DLGAP2: variants seen among roughly 807,000 people sequenced by gnomAD.
The protein encoded by DLGAP2 is disks large-associated protein 2.
In DLGAP2, 26 loss-of-function variants were observed where a neutral mutation model predicts 100.3. The ratio of observed to expected loss-of-function variants is 0.26; its 90% CI spans 0.19 to 0.36. The LOEUF is 0.36. Ranked by LOEUF, DLGAP2 falls within the 10% of genes least tolerant of loss-of-function variation. The pLI is 1.00. For missense variants in DLGAP2, 1,858 were observed against 1,453.2 expected, an observed-to-expected ratio of 1.28 and a Z score of -4.53; for synonymous variants, 886 against 630.1, an observed-to-expected ratio of 1.41 and a Z score of -6.08.
At chr8:1,381,789 G>GTGTGTGTT (rs1554456621) in intron 3 of DLGAP2, among the ~76,000 whole-genome samples, 1 of 115,224 alleles carries the variant, frequency 8.7e-6, no homozygotes, top group Non-Finnish European at 1.6e-5. Context: ...TCTAGTGTGT[G>GTGTGTGTT]TGTGTGTGTG....
intron 2 of DLGAP2, among the ~76,000 whole-genome samples, chr8:996,659 T>C (rs941403106): frequency 1.1e-4 from 16 of 152,210 alleles, no homozygotes; most frequent in Non-Finnish European, 1.9e-4. Context: ...TTCAGTAGTT[T>C]TCAGCCTTTA....
intron 2 of DLGAP2, among the ~76,000 whole-genome samples, chr8:1,253,863 C>G (rs528851111): frequency 4.6e-5 from 7 of 152,152 alleles, no homozygotes; most frequent in Non-Finnish European, 7.3e-5. Flanking sequence ...TGAAAGGGTC[C>G]GTGCTGCTGT....
At chr8:1,481,471 C>CTTTTTTTTTTTTTTTTTTTTTTTTTT (rs1165790168) in intron 3 of DLGAP2, among the ~76,000 whole-genome samples, 1 of 43,668 alleles carries the variant, frequency 2.3e-5, no homozygotes, top group Non-Finnish European at 4.5e-5. Flanking sequence ...TTTTCTTTTT[C>CTTTTTTTTTTTTTTTTTTTTTTTTTT]TTTTTTTTTT....
chr8:771,270 T>C (rs1288983908), intron 1 of DLGAP2, among the ~76,000 whole-genome samples: 41 of 152,230 alleles, frequency 2.7e-4, no homozygotes, highest in Admixed American at 2.4e-3. Context: ...CTAAGAGATA[T>C]GAGTTTTAAT....
chr8:770,825 G>C (rs1821337019), intron 1 of DLGAP2, among the ~76,000 whole-genome samples: 1 of 151,904 alleles, frequency 6.6e-6, no homozygotes, highest in South Asian at 2.1e-4. Context: ...GATAAGACAT[G>C]AATGACATTT....
At chr8:753,439 C>T (rs370720454) in intron 1 of DLGAP2, 3 of 152,164 alleles carry the variant, frequency 2.0e-5, no homozygotes, top group African/African-American at 4.8e-5. Context: ...ACTACGCCAG[C>T]GAACATTTAC....
chr8:935,587 G>A (rs774887770), intron 2 of DLGAP2, among the ~76,000 whole-genome samples: 3 of 152,122 alleles, frequency 2.0e-5, no homozygotes, highest in Admixed American at 2.0e-4. Flanking sequence ...TCTCTTGGAC[G>A]GTGTGGCTCT....
intron 1 of DLGAP2, among the ~76,000 whole-genome samples, chr8:842,598 T>G (rs944881283): frequency 6.8e-6 from 1 of 147,606 alleles, no homozygotes; most frequent in Non-Finnish European, 1.5e-5. Flanking sequence ...TTTTAAGTTT[T>G]CAGGGAACGT....
intron 8 of DLGAP2, among the ~76,000 whole-genome samples, chr8:1,633,699 C>G (rs1205351611): frequency 1.3e-5 from 2 of 152,022 alleles, no homozygotes; most frequent in Non-Finnish European, 2.9e-5. Flanking sequence ...ACCCATAAAA[C>G]ACAGCAAGCA....
At chr8:1,089,820 A>G (rs1475942307) in intron 2 of DLGAP2, among the ~76,000 whole-genome samples, 1 of 152,210 alleles carries the variant, frequency 6.6e-6, no homozygotes, top group Non-Finnish European at 1.5e-5. Context: ...TGGATTCCAC[A>G]TTGTGATCAG....
chr8:1,436,220 G>A (rs930954421), intron 3 of DLGAP2, among the ~76,000 whole-genome samples: 8 of 152,212 alleles, frequency 5.3e-5, no homozygotes, highest in East Asian at 1.9e-4. Context: ...CAGGGAAGCC[G>A]GCAGTGCAGC....
chr8:1,264,142 G>A (rs1018879345), intron 3 of DLGAP2, among the ~76,000 whole-genome samples: 30 of 148,560 alleles, frequency 2.0e-4, no homozygotes, highest in African/African-American at 7.1e-4. Context: ...ATTTATTTCA[G>A]TGCATAGTTG....
intron 3 of DLGAP2, among the ~76,000 whole-genome samples, chr8:1,433,642 T>G (rs1797524501): frequency 6.6e-6 from 1 of 151,686 alleles, no homozygotes; most frequent in African/African-American, 2.4e-5. Flanking sequence ...TTTTTCTGTA[T>G]CCACAAACAC....
chr8:1,587,080 G>C (rs922154277), intron 6 of DLGAP2, among the ~76,000 whole-genome samples: 4 of 152,176 alleles, frequency 2.6e-5, no homozygotes, highest in African/African-American at 4.8e-5. Context: ...CTTATTGCCT[G>C]TTTCCCTAAA....
chr8:981,330 G>C (rs1171394384), intron 2 of DLGAP2, among the ~76,000 whole-genome samples: 1 of 152,182 alleles, frequency 6.6e-6, no homozygotes, highest in African/African-American at 2.4e-5. Flanking sequence ...TGCTGATGGG[G>C]ACTTTGGCTG....
At chr8:1,388,607 G>C (rs549295184) in intron 3 of DLGAP2, among the ~76,000 whole-genome samples, 3 of 81,542 alleles carry the variant, frequency 3.7e-5, no homozygotes, top group Admixed American at 1.2e-4. Flanking sequence ...TGAGAGCAGA[G>C]GCCGTGGATG....
chr8:1,707,067 T>C lies in DLGAP2; in HGVS notation c.*5661T>C, dbSNP rs1255631272. On this transcript the variant is annotated 3_prime_UTR_variant, in exon 15 of 15. Coordinates refer to ENST00000637795, the MANE Select transcript of DLGAP2 (RefSeq NM_001346810.2). ...CTTTGCAGAAGAAATGTTCGTTACC[T>C]ACTATCAAACTACTTTTTAACAGAT... The C allele has an allele frequency of 1.3e-5, 2 of 152,666 alleles. No homozygotes were observed. The highest frequency in any genetic ancestry group is 1.5e-5 in the Non-Finnish European group (1 of 68,046). The allele number at this position is 152,666 out of a possible 1,614,324, so 9.5% of individuals were successfully genotyped here.
intron 2 of DLGAP2, among the ~76,000 whole-genome samples, chr8:984,094 C>G (rs1800419205): frequency 6.6e-6 from 1 of 152,214 alleles, no homozygotes; most frequent in South Asian, 2.1e-4. Context: ...GCACCTGTCC[C>G]TACCTCGTAG....
intron 1 of DLGAP2, among the ~76,000 whole-genome samples, chr8:813,662 C>T (rs1796412382): frequency 6.6e-6 from 1 of 152,182 alleles, no homozygotes; most frequent in African/African-American, 2.4e-5. Context: ...AACCCTCCTC[C>T]AGGGGCCTGC....
Sources: gnomAD v4.1 joint callset for allele counts (sites outside exome capture counted in the v4.1 genomes callset) on GRCh38, gnomAD v4.1.1 for gene constraint, MANE v1.5 for transcripts, NCBI Gene and HGNC (gene_info 2026-07-23, HGNC 2026-07-21) for gene names.